The following FRY variants were observed in gnomAD, a reference collection of about 807,000 sequenced individuals.
FRY encodes protein furry homolog.
FRY carries 128 observed loss-of-function variants against 348.4 expected under a neutral mutation model. The observed-to-expected ratio is 0.37, with a 90% CI of 0.32 to 0.43. The LOEUF (loss-of-function observed/expected upper bound fraction) is 0.43. Ranked by LOEUF, FRY falls within the 20% of genes least tolerant of loss-of-function variation. FRY has a pLI of 1.00. For missense variants in FRY, 2,736 were observed against 3,695.2 expected (o/e 0.74, Z 6.73); for synonymous variants, 1,370 against 1,374.7 (o/e 1.00, Z 0.08).
At chr13:32,224,704 T>C (rs1184100362) in intron 37 of FRY, among the ~76,000 whole-genome samples, 1 of 152,232 alleles carries the variant, frequency 6.6e-6, no homozygotes, top group Non-Finnish European at 1.5e-5. Flanking sequence ...CCTTAGCTCT[T>C]ATTGCCTAGT....
intron 17 of FRY, among the ~76,000 whole-genome samples, chr13:32,164,010 A>G (rs1881595211): frequency 1.3e-5 from 2 of 152,230 alleles, no homozygotes; most frequent in South Asian, 4.1e-4. Flanking sequence ...CTTTTTAATA[A>G]GCTTCAAAAG....
chr13:32,080,636 C>T (rs1875417129), intron 2 of FRY, among the ~76,000 whole-genome samples: 1 of 152,214 alleles, frequency 6.6e-6, no homozygotes, highest in African/African-American at 2.4e-5. Context: ...CCTCAAGTAT[C>T]CAAAGTCCCA....
intron 32 of FRY, 109 bp downstream of exon 32, chr13:32,209,218 T>C (rs1884535824): frequency 1.9e-5 from 23 of 1,232,122 alleles, no homozygotes; most frequent in Non-Finnish European, 2.7e-5. Context: ...ATCACATGAC[T>C]GGGGATAAAT....
intron 1 of FRY, among the ~76,000 whole-genome samples, chr13:32,037,043 C>A (rs186093493): frequency 0.027 from 2,766 of 102,548 alleles, 56 homozygotes; most frequent in African/African-American, 0.066. Flanking sequence ...CACACACACA[C>A]ACACACACAC....
rs1447877938 is a variant in FRY, at chr13:32,239,780, A to C, written c.6586A>C (p.Ser2196Arg). Residue 2196 changes from serine to arginine, a missense_variant, in exon 46 of 61, where the codon AGC becomes CGC. By Grantham distance (110) the Ser-to-Arg change is moderately radical. This residue lies in a region of FRY where 789 missense variants were observed against 996.2 expected (regional missense o/e 0.79). Coordinates refer to ENST00000542859, the MANE Select transcript of FRY (RefSeq NM_023037.3). The surrounding 1 kb of genome is among the most constrained non-coding windows in gnomAD (Gnocchi z 4.3). ...AHVMTLYKTH[S>R]YTRDCATWVN... ...TGTCATGACTCTTTATAAAACGCAC[A>C]GCTACACGAGGGACTGTGCCACGTG... The C allele has an allele frequency of 1.2e-6, 2 of 1,613,960 alleles. No individual in the cohort carries two copies. Among genetic ancestry groups the C allele is most frequent in the South Asian group, 2.2e-5 (2 of 91,074 alleles).
chr13:32,295,350 A>G lies in FRY; in HGVS notation c.8932A>G (p.Lys2978Glu). The G allele has an allele frequency of 6.2e-7, 1 of 1,613,846 alleles. No individual in the cohort carries two copies. Among genetic ancestry groups the G allele is most frequent in the Non-Finnish European group, 8.5e-7 (1 of 1,179,986 alleles). ...CCAGAGCCTGACCGAGATCTGCACCAAGCTGATGGAGCTGAACATGGAGAT... is the reference window on the plus strand; with the variant it reads ...CCAGAGCCTGACCGAGATCTGCACCGAGCTGATGGAGCTGAACATGGAGAT... The part of the protein sequence containing the change: ...SNQSLTEICT[K>E]LMELNMEIRD... Residue 2978 changes from lysine (K) to glutamate (E), a missense_variant, in exon 61 of 61, where the codon AAG (lysine) becomes GAG (glutamate). Lys to Glu is a moderately conservative substitution (Grantham distance 56). Around this residue, in one of 9 missense-constraint regions of FRY, gnomAD observed 157 missense variants for 215.2 expected, o/e 0.73. Transcript: ENST00000542859.
At position 32,124,633 on chromosome 13, in the gene FRY, T is replaced by C; in HGVS notation, c.587T>C (p.Ile196Thr). 6.3e-7 allele frequency: 1 copy of C among 1,598,062 alleles called. No homozygotes were observed. Among genetic ancestry groups the C allele is most frequent in the Non-Finnish European group, 8.6e-7 (1 of 1,165,536 alleles). The change falls in exon 6 of 61, where the codon ATA (isoleucine) becomes ACA (threonine). Residue 196 changes from isoleucine (I) to threonine (T), a missense_variant. This residue lies in a region of FRY where 309 missense variants were observed against 418.1 expected (regional missense o/e 0.74). Transcript: ENST00000542859. ...IPLHPVIDSL[I>T]HDVINLAFKH... The stretch of plus-strand genomic sequence containing the variant: ...CTTCATCCTGTAATAGACAGTTTAA[T>C]ACATGATGTTATTAACTTGGCTTTC...
chr13:32,253,084 G>A (rs548698307), intron 50 of FRY, among the ~76,000 whole-genome samples: 11 of 152,312 alleles, frequency 7.2e-5, no homozygotes, highest in African/African-American at 2.6e-4. Flanking sequence ...GGCCTTTTCA[G>A]CTAAAATATT....
intron 2 of FRY, among the ~76,000 whole-genome samples, chr13:32,092,866 A>G (rs1287775335): frequency 1.3e-5 from 2 of 152,202 alleles, no homozygotes; most frequent in Non-Finnish European, 2.9e-5. Flanking sequence ...AAAAAATTGG[A>G]GAATTGCTAT....
chr13:32,127,504 G>A lies in FRY; in HGVS notation c.716+2629G>A, dbSNP rs548119754. ...GACTTTTAAAAATAAAAGTCTGAGT[G>A]CGGTGGCTCACACCTGTAATTCCAT... is the stretch of plus-strand genomic sequence containing the variant. On this transcript the variant is annotated intron_variant, in intron 7 of 60. Transcript: ENST00000542859. Among the ~76,000 whole-genome samples the A allele has an allele frequency of 9.4e-3, 1,431 of 152,232 alleles. 8 individuals are homozygous for A. Among genetic ancestry groups the A allele is most frequent in the Middle Eastern group, 0.017 (5 of 294 alleles).
intron 1 of FRY, among the ~76,000 whole-genome samples, chr13:32,062,295 T>C (rs987751797): frequency 1.3e-5 from 2 of 152,042 alleles, no homozygotes; most frequent in Non-Finnish European, 2.9e-5. Context: ...AAATGCTAAA[T>C]ATTTCTATTG....
chr13:32,268,361 A>G (rs1414410011), intron 55 of FRY, among the ~76,000 whole-genome samples: 1 of 151,918 alleles, frequency 6.6e-6, no homozygotes, highest in Non-Finnish European at 1.5e-5. Flanking sequence ...TGAAGCAGAT[A>G]TTGACCGTGA....
rs754868153 is a variant in FRY, at chr13:32,225,804, G to A, written c.5036G>A (p.Arg1679Gln). ...HAVFLGLDHY[R>Q]PEVFEHSKKL... ...TTTGTTCCAGGTTTAGACCACTACC[G>A]GCCTGAAGTCTTTGAACACAGCAAA... The change falls in exon 39 of 61, where the codon CGG becomes CAG. Residue 1679 changes from arginine (R) to glutamine (Q), a missense_variant. Arg to Gln is a conservative substitution (Grantham distance 43). This residue lies in a region of FRY where 794 missense variants were observed against 977.0 expected (regional missense o/e 0.81). Transcript: ENST00000542859. 1.1e-5 allele frequency: 17 copies of A among 1,613,494 alleles called. No homozygotes were observed. The highest frequency in any genetic ancestry group is 1.3e-5 in the African/African-American group (1 of 74,848).
chr13:32,267,301 G>A lies in FRY; in HGVS notation c.8078G>A (p.Cys2693Tyr). ...CGCAGCCACATCAACCAGCTTATGT[G>A]TGACTCAGATGGCTCCTGTGCTGTG... ...AWRSHINQLM[C>Y]DSDGSCAVYT... The change falls in exon 55 of 61, where the codon TGT (cysteine) becomes TAT (tyrosine). Residue 2693 changes from cysteine to tyrosine, a missense_variant. Cys to Tyr is a radical substitution (Grantham distance 194, BLOSUM62 -2). Around this residue, in one of 9 missense-constraint regions of FRY, gnomAD observed 789 missense variants for 996.2 expected, o/e 0.79. Coordinates refer to ENST00000542859, the MANE Select transcript of FRY (RefSeq NM_023037.3). 1 of 1,614,188 alleles carries A rather than the reference G, an allele frequency of 6.2e-7. No individual in the cohort carries two copies. Among genetic ancestry groups the A allele is most frequent in the Non-Finnish European group, 8.5e-7 (1 of 1,180,030 alleles).
rs534167726 is a variant in FRY, at chr13:32,106,204, A to G, written c.324+4188A>G. Among the ~76,000 whole-genome samples the G allele has an allele frequency of 6.0e-5, 9 of 148,944 alleles. No individual in the cohort carries two copies. In the South Asian group the frequency reaches 1.5e-3, roughly 24 times the overall value. On this transcript the variant is annotated intron_variant, in intron 3 of 60. Transcript: ENST00000542859. ...AATATTAAATATATCTATAGGATAT[A>G]TAACATTATATTTACTATGATATTA... is the stretch of plus-strand genomic sequence containing the variant.
intron 31 of FRY, among the ~76,000 whole-genome samples, chr13:32,205,272 A>T (rs910469788): frequency 6.6e-6 from 1 of 150,994 alleles, no homozygotes; most frequent in Non-Finnish European, 1.5e-5. Context: ...GCAATTTTTT[A>T]AAAAAGAAAA....
At chr13:32,223,957 G>A (rs936522897) in intron 36 of FRY, among the ~76,000 whole-genome samples, 5 of 151,776 alleles carry the variant, frequency 3.3e-5, no homozygotes, top group African/African-American at 1.2e-4. Flanking sequence ...GGCTGGTTTT[G>A]AACTCCTGAC....
chr13:32,052,630 T>C (rs944368283), intron 1 of FRY, among the ~76,000 whole-genome samples: 1 of 152,222 alleles, frequency 6.6e-6, no homozygotes, highest in Non-Finnish European at 1.5e-5. Flanking sequence ...TTTTACACCA[T>C]CAACATATTT....
intron 54 of FRY, among the ~76,000 whole-genome samples, 180 bp from the exon 55 acceptor site, chr13:32,266,990 C>G (rs765444169): frequency 2.6e-5 from 4 of 152,130 alleles, no homozygotes; most frequent in Non-Finnish European, 4.4e-5. Flanking sequence ...AACAAACAAA[C>G]AGACCAAAAA....
Sources: allele counts gnomAD v4.1 joint callset (sites outside exome capture counted in the v4.1 genomes callset), GRCh38; gene constraint gnomAD v4.1.1; regional missense constraint gnomAD v4.1.1; non-coding constraint Gnocchi (gnomAD v3.1); transcripts MANE v1.5; gene names NCBI Gene and HGNC (gene_info 2026-07-23, HGNC 2026-07-21).